Variants in AGMO observed in about 807,000 individuals in gnomAD.
AGMO encodes the protein glyceryl-ether monooxygenase.
AGMO carries 75 observed loss-of-function variants against 60.2 expected under a neutral mutation model. The observed-to-expected ratio is 1.25, with a 90% CI of 1.03 to 1.51. The LOEUF is 1.51. Ranked by LOEUF, AGMO falls within the 40% of genes most tolerant of loss-of-function variation. The pLI is 0.00. For missense variants in AGMO, 763 were observed against 525.5 expected, an observed-to-expected ratio of 1.45 and a Z score of -4.42; for synonymous variants, 261 against 177.1, an observed-to-expected ratio of 1.47 and a Z score of -3.76.
intron 3 of AGMO, among the ~76,000 whole-genome samples, chr7:15,503,011 C>T (rs1173721786): frequency 1.3e-5 from 2 of 152,044 alleles, no homozygotes; most frequent in Admixed American, 1.3e-4. Context: ...TCAAGGCCAC[C>T]ATTACTGGTG....
At chr7:15,279,933 G>A (rs1783914242) in intron 12 of AGMO, among the ~76,000 whole-genome samples, 1 of 152,224 alleles carries the variant, frequency 6.6e-6, no homozygotes, top group Non-Finnish European at 1.5e-5. Context: ...ACCGAGGGAA[G>A]TTATTCCTGA....
chr7:15,481,518 A>G (rs1459620844), intron 3 of AGMO, among the ~76,000 whole-genome samples: 1 of 152,188 alleles, frequency 6.6e-6, no homozygotes. Context: ...GTTCTAAAGC[A>G]TATACACCTA....
chr7:15,243,707 A>G (rs571067908), intron 12 of AGMO, among the ~76,000 whole-genome samples: 1 of 152,318 alleles, frequency 6.6e-6, no homozygotes, highest in African/African-American at 2.4e-5. Context: ...GCAGTCATCA[A>G]ACCCCAGAAA....
chr7:15,122,648 T>C, the AGMO span, among the ~76,000 whole-genome samples: 3 of 152,100 alleles, frequency 2.0e-5, no homozygotes, highest in Non-Finnish European at 4.4e-5. Flanking sequence ...GCCAAAACCA[T>C]TGCATTCCAC....
intron 12 of AGMO, among the ~76,000 whole-genome samples, chr7:15,237,604 T>C (rs1583317007): frequency 6.6e-6 from 1 of 152,004 alleles, no homozygotes; most frequent in African/African-American, 2.4e-5. Context: ...CTAAAAGATA[T>C]CCTTCTATAA....
intron 3 of AGMO, among the ~76,000 whole-genome samples, chr7:15,542,009 G>A (rs1784643235): frequency 6.6e-6 from 1 of 152,022 alleles, no homozygotes; most frequent in African/African-American, 2.4e-5. Flanking sequence ...AAATTTTTCA[G>A]TTAAATAAAT....
intron 12 of AGMO, among the ~76,000 whole-genome samples, chr7:15,245,954 C>T (rs1782727774): frequency 6.6e-6 from 1 of 152,094 alleles, no homozygotes; most frequent in South Asian, 2.1e-4. Flanking sequence ...TTGTTCCTTT[C>T]CTTTATTGCA....
At chr7:15,334,741 G>A (rs767108073) in intron 12 of AGMO, among the ~76,000 whole-genome samples, 8 of 152,162 alleles carry the variant, frequency 5.3e-5, no homozygotes, top group Non-Finnish European at 1.2e-4. Flanking sequence ...CAAAACCAGT[G>A]TCACTTACAA....
intron 3 of AGMO, among the ~76,000 whole-genome samples, chr7:15,519,899 A>G (rs1783932580): frequency 6.6e-6 from 1 of 151,360 alleles, no homozygotes; most frequent in African/African-American, 2.4e-5. Context: ...GGTGTGCTGT[A>G]TTCAGGAGAC....
At chr7:15,186,184 C>A in the AGMO span, among the ~76,000 whole-genome samples, 4 of 152,274 alleles carry the variant, frequency 2.6e-5, no homozygotes, top group Middle Eastern at 3.4e-3. Context: ...GGTAATAAGC[C>A]ACTTTGTAAA....
At chr7:15,147,434 T>G in the AGMO span, among the ~76,000 whole-genome samples, 1 of 151,754 alleles carries the variant, frequency 6.6e-6, no homozygotes, top group Non-Finnish European at 1.5e-5. Context: ...GTAGGGGAAC[T>G]CCTCTTCATA....
chr7:15,304,942 T>C (rs1353063424), intron 12 of AGMO, among the ~76,000 whole-genome samples: 1 of 152,028 alleles, frequency 6.6e-6, no homozygotes, highest in Non-Finnish European at 1.5e-5. Flanking sequence ...ATAAAAATTT[T>C]CTCTTGCTTC....
At chr7:15,184,259 G>C in the AGMO span, among the ~76,000 whole-genome samples, 1 of 145,682 alleles carries the variant, frequency 6.9e-6, no homozygotes, top group Non-Finnish European at 1.5e-5. Flanking sequence ...AAGGGAGGGA[G>C]GGAGAAAGGG....
Position 15,485,142 on chromosome 7 carries a change from CA to C in AGMO, c.410-54035del, listed in dbSNP as rs34731268. The stretch of plus-strand genomic sequence containing the variant: ...CAAAACCCCGTCTCTACTAAAAATA[CA>C]AAAAAAAAAAAAAAAAAGAAAAACA... On this transcript the variant is annotated intron_variant, in intron 3 of 12. Coordinates refer to ENST00000342526, the MANE Select transcript of AGMO (RefSeq NM_001004320.2). 8.1e-4 allele frequency among the ~76,000 whole-genome samples: 79 copies of C among 97,810 alleles called. 1 individual carries two copies. The highest frequency in any genetic ancestry group is 6.6e-3 in the Middle Eastern group (1 of 152). The allele number at this position is 97,810 out of a possible 152,430, so 64.2% of individuals were successfully genotyped here. A position where few individuals can be genotyped will look rare whatever the true frequency, so the allele number is the denominator to read the frequency against.
chr7:15,448,766 G>T (rs1360045938), intron 3 of AGMO, among the ~76,000 whole-genome samples: 1 of 152,174 alleles, frequency 6.6e-6, no homozygotes, highest in Non-Finnish European at 1.5e-5. Flanking sequence ...GAAAAAATGT[G>T]TGCAGTCAGC....
chr7:15,185,500 C>T, the AGMO span, among the ~76,000 whole-genome samples: 1 of 152,180 alleles, frequency 6.6e-6, no homozygotes, highest in African/African-American at 2.4e-5. Flanking sequence ...AAACCACGCA[C>T]TTTGGTACTA....
At chr7:15,389,249 G>C (rs78791212) in intron 8 of AGMO, among the ~76,000 whole-genome samples, 4,538 of 152,158 alleles carry the variant, frequency 0.03, 211 homozygotes, top group African/African-American at 0.1. Flanking sequence ...AGGATTCTCT[G>C]ATTCACATGA....
chr7:15,354,439 T>C lies in AGMO; in HGVS notation c.1263+11075A>G, dbSNP rs1422802915. Among the ~76,000 whole-genome samples the C allele has an allele frequency of 4.3e-4, 9 of 20,826 alleles. No homozygotes were observed. The East Asian group carries it at 8.8e-3, about 20-fold the overall frequency. The allele number at this position is 20,826 out of a possible 152,430, so 13.7% of individuals were successfully genotyped here. ...GTGTGTATACACACACGTGTGTGTA[T>C]ACACACGTGTGTGTATACACACGTG... On this transcript the variant is annotated intron_variant, in intron 12 of 12. Transcript: ENST00000342526.
rs552898217 is a variant in AGMO, at chr7:15,522,618, G to A, written c.409+22154C>T. On this transcript the variant is annotated intron_variant, in intron 3 of 12. Coordinates refer to ENST00000342526, the MANE Select transcript of AGMO (RefSeq NM_001004320.2). ...GAAACAGATTCCCCATTTAATAACT[G>A]GTGTTGGAAAAACTGGCTAGCCATA... Among the ~76,000 whole-genome samples, 443 of 152,186 alleles carry A rather than the reference G, an allele frequency of 2.9e-3. 3 individuals are homozygous for A. Among genetic ancestry groups the A allele is most frequent in the African/African-American group, 0.01 (424 of 41,516 alleles).
Sources: allele counts gnomAD v4.1 joint callset (sites outside exome capture counted in the v4.1 genomes callset), GRCh38; gene constraint gnomAD v4.1.1; transcripts MANE v1.5; gene names NCBI Gene and HGNC (gene_info 2026-07-23, HGNC 2026-07-21).